Variants in SPOPL observed in about 807,000 individuals in gnomAD.
SPOPL encodes speckle type BTB/POZ protein like.
A neutral mutation model predicts 53.8 loss-of-function variants in SPOPL; 23 were observed. That is an observed-to-expected ratio of 0.43 (90% CI 0.31 to 0.61). SPOPL has a LOEUF of 0.61. Ranked by LOEUF, SPOPL falls within the 20% of genes least tolerant of loss-of-function variation. The probability of loss-of-function intolerance (pLI) is 0.12; values close to 1 mark genes in which losing one functional copy is unlikely to be tolerated. For synonymous variants in SPOPL, 164 were observed against 149.7 expected, an observed-to-expected ratio of 1.10 and a Z score of -0.70; for missense variants, 442 against 466.9, an observed-to-expected ratio of 0.95 and a Z score of 0.49.
chr2:138,567,478 G>A (rs1685689575), intron 10 of SPOPL, among the ~76,000 whole-genome samples: 1 of 149,142 alleles, frequency 6.7e-6, no homozygotes, highest in African/African-American at 2.5e-5. Context: ...GGAGAAAGTA[G>A]GCAGAGATCA....
chr2:138,523,368 T>C (rs1479476569), intron 1 of SPOPL, among the ~76,000 whole-genome samples: 2 of 152,190 alleles, frequency 1.3e-5, no homozygotes, highest in African/African-American at 4.8e-5. Flanking sequence ...ATGGGAATTA[T>C]GGGAGCTATA....
rs796610504 is a variant in SPOPL at position 138,538,742 on chromosome 2, C to CT, written c.-60-11403dup. Among the ~76,000 whole-genome samples the CT allele has an allele frequency of 6.2e-3, 894 of 144,438 alleles. 4 individuals carry two copies. Among genetic ancestry groups the CT allele is most frequent in the African/African-American group, 0.016 (653 of 39,720 alleles). 94.8% of individuals were successfully genotyped at this position (144,438 alleles called of 152,430 possible). The stretch of plus-strand genomic sequence containing the variant: ...AGCTTAGGACCTTCTTAGCTGTTTT[C>CT]TTTTTTTTTTTTCTTTTTATTATAC... On this transcript the variant is annotated intron_variant, in intron 1 of 10. Coordinates refer to ENST00000280098, the MANE Select transcript of SPOPL (RefSeq NM_001001664.3).
At position 138,531,443 on chromosome 2, in the gene SPOPL, T is replaced by C. The variant is rs148529721; in HGVS notation, c.-60-18714T>C. 5.5e-3 allele frequency among the ~76,000 whole-genome samples: 840 copies of C among 152,266 alleles called. 11 individuals are homozygous for C. The highest frequency in any genetic ancestry group is 0.019 in the African/African-American group (797 of 41,568). ...GGCATGCATTTTAATTCTACTTATA[T>C]TTAAGCCCCAAGATATTACAATTTT... On this transcript the variant is annotated intron_variant, in intron 1 of 10. Coordinates refer to ENST00000280098, the MANE Select transcript of SPOPL (RefSeq NM_001001664.3).
chr2:138,565,068 A>G, intron 10 of SPOPL, 75 bp downstream of exon 10: 1 of 1,542,494 alleles, frequency 6.5e-7, no homozygotes, highest in Non-Finnish European at 8.9e-7. Context: ...CCTTTTGTTC[A>G]TCTACAATAA....
At chr2:138,561,295 A>G (rs1685542975) in intron 8 of SPOPL, among the ~76,000 whole-genome samples, 1 of 152,198 alleles carries the variant, frequency 6.6e-6, no homozygotes, top group African/African-American at 2.4e-5. Flanking sequence ...ATTGGATATT[A>G]TGTAACTTAA....
intron 1 of SPOPL, among the ~76,000 whole-genome samples, chr2:138,516,108 C>T: frequency 6.6e-6 from 1 of 152,156 alleles, no homozygotes; most frequent in East Asian, 1.9e-4. Flanking sequence ...AGCTGCTATT[C>T]TGCTTTTTAA....
Position 138,530,920 on chromosome 2 carries a change from T to TGA in SPOPL, c.-60-19235_-60-19234dup, listed in dbSNP as rs1420059715. 5.4e-5 allele frequency among the ~76,000 whole-genome samples: 5 copies of TGA among 92,790 alleles called. No individual in the cohort carries two copies. In the East Asian group the frequency reaches 1.5e-3, roughly 28 times the overall value. The allele number at this position is 92,790 out of a possible 152,430, so 60.9% of individuals were successfully genotyped here. A position where few individuals can be genotyped will look rare whatever the true frequency, so the allele number is the denominator to read the frequency against. On this transcript the variant is annotated intron_variant, in intron 1 of 10. Coordinates refer to ENST00000280098, the MANE Select transcript of SPOPL (RefSeq NM_001001664.3). ...TTCTCAGGGAAACCTTACTGTAGAG[T>TGA]GAGTGTGTGTGTGTGTGTGTGTGTG...
intron 1 of SPOPL, among the ~76,000 whole-genome samples, chr2:138,539,038 C>T (rs190694446): frequency 0.011 from 1,681 of 152,140 alleles, 33 homozygotes; most frequent in African/African-American, 0.038. Context: ...CTGAGAATGA[C>T]GGTTTCCAGC....
intron 1 of SPOPL, among the ~76,000 whole-genome samples, chr2:138,530,441 A>G (rs549801151): frequency 6.6e-6 from 1 of 152,276 alleles, no homozygotes; most frequent in African/African-American, 2.4e-5. Flanking sequence ...CAGTCTGCAT[A>G]TATTGAAATT....
intron 1 of SPOPL, among the ~76,000 whole-genome samples, chr2:138,521,996 G>A (rs1684569422): frequency 6.6e-6 from 1 of 152,184 alleles, no homozygotes; most frequent in Non-Finnish European, 1.5e-5. Flanking sequence ...CTAGAACAGA[G>A]GTTCTTAGTG....
At chr2:138,519,052 A>G (rs921645040) in intron 1 of SPOPL, among the ~76,000 whole-genome samples, 1 of 152,216 alleles carries the variant, frequency 6.6e-6, no homozygotes, top group African/African-American at 2.4e-5. Context: ...TTCCCATATT[A>G]TAGACAAGAA....
At chr2:138,556,718 T>G (rs1437787939) in intron 5 of SPOPL, among the ~76,000 whole-genome samples, 1 of 152,184 alleles carries the variant, frequency 6.6e-6, no homozygotes, top group African/African-American at 2.4e-5. Context: ...ATTGGCAGAT[T>G]TATTTATTTA....
intron 1 of SPOPL, among the ~76,000 whole-genome samples, chr2:138,509,369 A>G (rs558414119): frequency 1.3e-5 from 2 of 152,338 alleles, no homozygotes; most frequent in South Asian, 2.1e-4. Context: ...GATTGATAGT[A>G]TATCTAAAAA....
At chr2:138,531,798 T>C (rs1162827174) in intron 1 of SPOPL, among the ~76,000 whole-genome samples, 1 of 151,676 alleles carries the variant, frequency 6.6e-6, no homozygotes, top group African/African-American at 2.4e-5. Flanking sequence ...GGTTTTTTTT[T>C]CCTCCTAGCT....
chr2:138,521,737 T>C (rs1684563248), intron 1 of SPOPL, among the ~76,000 whole-genome samples: 1 of 152,216 alleles, frequency 6.6e-6, no homozygotes, highest in African/African-American at 2.4e-5. Flanking sequence ...CATGTATCTA[T>C]AAAATGTAAT....
At chr2:138,554,850 C>A (rs1430432960) in intron 5 of SPOPL, among the ~76,000 whole-genome samples, 1 of 152,130 alleles carries the variant, frequency 6.6e-6, no homozygotes. Flanking sequence ...GTTTAACTAG[C>A]TCCTTTTTAA....
At chr2:138,504,726 A>G (rs1237738569) in intron 1 of SPOPL, among the ~76,000 whole-genome samples, 5 of 152,180 alleles carry the variant, frequency 3.3e-5, no homozygotes, top group South Asian at 2.1e-4. Context: ...AGTACTAGCT[A>G]CGTACCGTTC....
intron 1 of SPOPL, among the ~76,000 whole-genome samples, chr2:138,528,745 TTA>T (rs1684732322): frequency 6.6e-6 from 1 of 152,210 alleles, no homozygotes; most frequent in Non-Finnish European, 1.5e-5. Context: ...TATCTGTTAC[TTA>T]CATGCTGGAA....
intron 1 of SPOPL, among the ~76,000 whole-genome samples, chr2:138,525,656 G>GAAAAAA (rs71406327): frequency 2.5e-3 from 74 of 30,012 alleles, no homozygotes; most frequent in African/African-American, 5.6e-3. Flanking sequence ...ATAAAAAGTA[G>GAAAAAA]AAAAAAAAAA....
Sources: gnomAD v4.1 joint callset for allele counts (sites outside exome capture counted in the v4.1 genomes callset) on GRCh38, gnomAD v4.1.1 for gene constraint, MANE v1.5 for transcripts, NCBI Gene and HGNC (gene_info 2026-07-23, HGNC 2026-07-21) for gene names.